Variants in TRAPPC6A observed in about 807,000 individuals in gnomAD.
TRAPPC6A encodes trafficking protein particle complex subunit 6A, also known as TRAPP complex subunit 6A.
Under a neutral mutation model 20.8 loss-of-function variants are expected in TRAPPC6A, and 25 were observed. That is an observed-to-expected ratio of 1.20 (90% CI 0.88 to 1.68). TRAPPC6A has a LOEUF of 1.68. Ranked by LOEUF, TRAPPC6A falls within the 40% of genes most tolerant of loss-of-function variation. The probability of loss-of-function intolerance (pLI) is 0.00; values close to 1 mark genes in which losing one functional copy is unlikely to be tolerated. For missense variants in TRAPPC6A, 215 were observed against 211.6 expected (o/e 1.02, Z -0.10); for synonymous variants, 96 against 93.3 (o/e 1.03, Z -0.16).
chr19:45,169,706 C>G (rs552376526), intron 1 of TRAPPC6A, among the ~76,000 whole-genome samples: 1 of 152,316 alleles, frequency 6.6e-6, no homozygotes, highest in East Asian at 1.9e-4. Flanking sequence ...TAGAACAGCC[C>G]GGGCGAGAGC....
chr19:45,166,370 G>A (rs143780319), intron 1 of TRAPPC6A, among the ~76,000 whole-genome samples: 31 of 149,888 alleles, frequency 2.1e-4, no homozygotes, highest in South Asian at 1.9e-3. Flanking sequence ...CACCACACCC[G>A]GCTAATTTTT....
chr19:45,168,587 A>G (rs1400913941), intron 1 of TRAPPC6A, among the ~76,000 whole-genome samples: 1 of 152,140 alleles, frequency 6.6e-6, no homozygotes, highest in Non-Finnish European at 1.5e-5. Flanking sequence ...ACCCACAACC[A>G]CCACCCAGAC....
chr19:45,176,170 T>G (rs1296618266), intron 1 of TRAPPC6A, among the ~76,000 whole-genome samples: 1 of 151,900 alleles, frequency 6.6e-6, no homozygotes, highest in East Asian at 1.9e-4. Context: ...TTTTAAAAAT[T>G]TCTTGGCCAG....
Position 45,163,764 on chromosome 19 carries a change from G to T in TRAPPC6A, c.448+152C>A. 1.5e-6 allele frequency: 1 copy of T among 678,254 alleles called. No individual in the cohort carries two copies. The highest frequency in any genetic ancestry group is 2.5e-6 in the Non-Finnish European group (1 of 392,614). 42.0% of individuals were successfully genotyped at this position (678,254 alleles called of 1,614,324 possible). On this transcript the variant is annotated intron_variant, in intron 5 of 5. Transcript: ENST00000585934. This position sits in a 1 kb window ranked among gnomAD's most constrained non-coding sequence, Gnocchi z 5.3. ...AGGGCTGGCGACGTCACGGAGCCAGGGGCACAGATGGGCCTGCACCAGCCG... is the reference window on the plus strand; with the variant it reads ...AGGGCTGGCGACGTCACGGAGCCAGTGGCACAGATGGGCCTGCACCAGCCG...
chr19:45,165,211 G>A lies in TRAPPC6A; in HGVS notation c.85-17C>T. On this transcript the variant is annotated splice_polypyrimidine_tract_variant and intron_variant, in intron 1 of 5. Coordinates refer to ENST00000585934, the MANE Select transcript of TRAPPC6A (RefSeq NM_001270891.2). ...CTTCTGTCCCTAGAAGGCCAGGGGA[G>A]AGATGCTCAGGGGCCCTTAGCCACC... 1.3e-6 allele frequency: 2 copies of A among 1,584,388 alleles called. No homozygotes were observed. The highest frequency in any genetic ancestry group is 1.7e-6 in the Non-Finnish European group (2 of 1,165,678).
At chr19:45,167,291 A>G (rs933270823) in intron 1 of TRAPPC6A, among the ~76,000 whole-genome samples, 5 of 152,262 alleles carry the variant, frequency 3.3e-5, no homozygotes, top group African/African-American at 1.2e-4. Context: ...AAAATGACAT[A>G]TGATGAAACC....
At chr19:45,167,698 G>T (rs1026195668) in intron 1 of TRAPPC6A, among the ~76,000 whole-genome samples, 1 of 152,190 alleles carries the variant, frequency 6.6e-6, no homozygotes, top group Non-Finnish European at 1.5e-5. Context: ...GGCCAGGCGG[G>T]TCTCGAACTC....
chr19:45,177,130 A>G (rs1390910586), intron 1 of TRAPPC6A, among the ~76,000 whole-genome samples: 1 of 152,164 alleles, frequency 6.6e-6, no homozygotes, highest in Non-Finnish European at 1.5e-5. Flanking sequence ...GGCAGCAGTG[A>G]GCCATGACTG....
chr19:45,171,891 T>C (rs919074152), intron 1 of TRAPPC6A, among the ~76,000 whole-genome samples: 3 of 152,180 alleles, frequency 2.0e-5, no homozygotes, highest in African/African-American at 7.2e-5. Context: ...TTTAGACACT[T>C]GGGAGCTCCT....
intron 4 of TRAPPC6A, 36 bp from the exon 5 acceptor site, chr19:45,164,045 G>A (rs748278175): frequency 1.3e-6 from 2 of 1,558,128 alleles, no homozygotes; most frequent in South Asian, 1.2e-5. Flanking sequence ...GGGAAGAGAG[G>A]GGAGGCCAGC....
At chr19:45,176,481 T>A (rs1306944913) in intron 1 of TRAPPC6A, among the ~76,000 whole-genome samples, 1 of 151,708 alleles carries the variant, frequency 6.6e-6, no homozygotes, top group South Asian at 2.1e-4. Flanking sequence ...AATAAATAAA[T>A]AAAAATAAAA....
At chr19:45,169,711 G>A (rs548226699) in intron 1 of TRAPPC6A, among the ~76,000 whole-genome samples, 2 of 152,334 alleles carry the variant, frequency 1.3e-5, no homozygotes, top group East Asian at 1.9e-4. Flanking sequence ...CAGCCCGGGC[G>A]AGAGCTCGCT....
chr19:45,176,017 G>A (rs895762853), intron 1 of TRAPPC6A, among the ~76,000 whole-genome samples: 7 of 152,038 alleles, frequency 4.6e-5, no homozygotes, highest in Non-Finnish European at 1.0e-4. Flanking sequence ...TTTAGAGACA[G>A]GGTCTCACTC....
chr19:45,174,489 G>A (rs1195232051), intron 1 of TRAPPC6A, among the ~76,000 whole-genome samples: 1 of 151,844 alleles, frequency 6.6e-6, no homozygotes, highest in East Asian at 1.9e-4. Context: ...CCGGCTGGGG[G>A]AGACGCATGT....
chr19:45,172,156 C>T lies in TRAPPC6A; in HGVS notation c.84+5979G>A, dbSNP rs911905578. Among the ~76,000 whole-genome samples the T allele has an allele frequency of 1.2e-4, 18 of 151,840 alleles. No homozygotes were observed. The highest frequency in any genetic ancestry group is 7.7e-4 in the East Asian group (4 of 5,174). On this transcript the variant is annotated intron_variant, in intron 1 of 5. Transcript: ENST00000585934. This position sits in a 1 kb window ranked among gnomAD's most constrained non-coding sequence, Gnocchi z 4.2. ...CCGTACCAGGCAGGATAGGAGGTCA[C>T]AAAAGCCCTACACACTGGCTGTGGC...
intron 1 of TRAPPC6A, among the ~76,000 whole-genome samples, chr19:45,174,506 A>C (rs1302930115): frequency 6.6e-6 from 1 of 151,958 alleles, no homozygotes; most frequent in Non-Finnish European, 1.5e-5. Context: ...ATGTGAATTA[A>C]AGGATCATAC....
At position 45,164,006 on chromosome 19, in the gene TRAPPC6A, G is replaced by T; in HGVS notation, c.358C>A (p.Leu120Met). ...LQYLEEAPKF[L>M]AFTCGLLRGA... ...CGCAGGAGGCCGCAGGTGAAGGCCA[G>T]GAACTGAGGAGGGAACACAGACCAG... Residue 120 changes from leucine to methionine, a missense_variant, in exon 5 of 6, where the codon CTG (leucine) becomes ATG (methionine). Leu to Met is a conservative substitution (Grantham distance 15). Coordinates refer to ENST00000585934, the MANE Select transcript of TRAPPC6A (RefSeq NM_001270891.2). 6.4e-7 allele frequency: 1 copy of T among 1,571,162 alleles called. No individual in the cohort carries two copies. Among genetic ancestry groups the T allele is most frequent in the African/African-American group, 1.3e-5 (1 of 74,510 alleles).
In TRAPPC6A at chr19:45,172,987, C is replaced by T. The variant is rs114783480; in HGVS notation, c.84+5148G>A. 0.069 allele frequency among the ~76,000 whole-genome samples: 10,521 copies of T among 151,540 alleles called. 585 individuals are homozygous for T. Among genetic ancestry groups the T allele is most frequent in the Middle Eastern group, 0.11 (32 of 294 alleles). On this transcript the variant is annotated intron_variant, in intron 1 of 5. Transcript: ENST00000585934. This position sits in a 1 kb window ranked among gnomAD's most constrained non-coding sequence, Gnocchi z 4.2. ...GCAGGGACCTATCTGACAGCCGCTC[C>T]GCCCGCCCCACACCCTCCTCAGATA...
chr19:45,178,073 C>T, intron 1 of TRAPPC6A, 62 bp downstream of exon 1: 1 of 1,609,392 alleles, frequency 6.2e-7, no homozygotes, highest in Non-Finnish European at 8.5e-7. Flanking sequence ...ACGCGCCCTC[C>T]GCTCTCCCAG....
Sources: gnomAD v4.1 joint callset for allele counts (sites outside exome capture counted in the v4.1 genomes callset) on GRCh38, gnomAD v4.1.1 for gene constraint, Gnocchi (gnomAD v3.1) non-coding constraint, MANE v1.5 for transcripts, NCBI Gene and HGNC (gene_info 2026-07-23, HGNC 2026-07-21) for gene names.